The following ATXN7L1 variants were observed in gnomAD, a reference collection of about 807,000 sequenced individuals.
The protein encoded by ATXN7L1 is ataxin-7-like protein 1.
Under a neutral mutation model 70.8 loss-of-function variants are expected in ATXN7L1, and 15 were observed. The observed-to-expected ratio is 0.21, with a 90% CI of 0.14 to 0.33. The LOEUF (loss-of-function observed/expected upper bound fraction) is 0.33. Among genes scored for constraint, ATXN7L1 ranks in the 10% least tolerant of loss-of-function variants. The pLI is 1.00. For missense variants in ATXN7L1, 975 were observed against 1,097.1 expected (o/e 0.89, Z 1.57); for synonymous variants, 440 against 445.1 (o/e 0.99, Z 0.14).
At chr7:105,716,423 G>C (rs1354069061) in intron 3 of ATXN7L1, among the ~76,000 whole-genome samples, 1 of 151,958 alleles carries the variant, frequency 6.6e-6, no homozygotes, top group African/African-American at 2.4e-5. Context: ...TTATATGGGG[G>C]CCCAGTTGTT....
At chr7:105,668,968 G>A (rs1199427518) in intron 3 of ATXN7L1, among the ~76,000 whole-genome samples, 1 of 152,124 alleles carries the variant, frequency 6.6e-6, no homozygotes, top group African/African-American at 2.4e-5. Context: ...GGCTGGTCTT[G>A]AACTCCTGGG....
At chr7:105,779,811 TATTA>T (rs1337889843) in intron 3 of ATXN7L1, among the ~76,000 whole-genome samples, 4 of 152,256 alleles carry the variant, frequency 2.6e-5, no homozygotes, top group Non-Finnish European at 5.9e-5. Flanking sequence ...TGCCAAGTCT[TATTA>T]ATTAATGTTA....
At chr7:105,664,330 A>G (rs1195812219) in intron 4 of ATXN7L1, among the ~76,000 whole-genome samples, 6 of 151,678 alleles carry the variant, frequency 4.0e-5, no homozygotes, top group Non-Finnish European at 2.9e-5. Flanking sequence ...GAACTGAGAA[A>G]TATTTCCCTG....
chr7:105,796,935 G>A (rs1475482981), intron 2 of ATXN7L1, among the ~76,000 whole-genome samples: 3 of 152,190 alleles, frequency 2.0e-5, no homozygotes, highest in African/African-American at 7.2e-5. Flanking sequence ...CCAGCAGAAT[G>A]TTGAGCTCCC....
chr7:105,859,300 T>A lies in ATXN7L1; in HGVS notation c.250+16512A>T, dbSNP rs554147897. On this transcript the variant is annotated intron_variant, in intron 2 of 11. Transcript: ENST00000419735. The stretch of plus-strand genomic sequence containing the variant: ...GAGAATTTAAGTGAACAGCTCAAGG[T>A]AGCACAATCAAGATGTGGAAAAATG... Among the ~76,000 whole-genome samples the A allele has an allele frequency of 7.2e-5, 11 of 152,204 alleles. No homozygotes were observed. In the East Asian group the frequency reaches 2.1e-3, roughly 29 times the overall value.
chr7:105,655,295 A>G (rs1366321547), intron 4 of ATXN7L1, among the ~76,000 whole-genome samples: 1 of 152,126 alleles, frequency 6.6e-6, no homozygotes, highest in African/African-American at 2.4e-5. Flanking sequence ...ACATGCTTCA[A>G]TATTCTGGTC....
intron 2 of ATXN7L1, among the ~76,000 whole-genome samples, chr7:105,829,887 CA>C (rs1160382302): frequency 4.6e-5 from 7 of 152,228 alleles, no homozygotes; most frequent in African/African-American, 1.7e-4. Flanking sequence ...GTAGTTGTTG[CA>C]AACTGTGCAA....
At chr7:105,694,479 G>C (rs141699384) in intron 3 of ATXN7L1, among the ~76,000 whole-genome samples, 1 of 152,298 alleles carries the variant, frequency 6.6e-6, no homozygotes, top group African/African-American at 2.4e-5. Context: ...TGTGAGGTGG[G>C]AAGGGCGGCT....
chr7:105,607,717 A>G lies in ATXN7L1; in HGVS notation c.*135T>C. 1 of 653,838 alleles carries G rather than the reference A, an allele frequency of 1.5e-6. No homozygotes were observed. The highest frequency in any genetic ancestry group is 2.5e-6 in the Non-Finnish European group (1 of 394,278). 40.5% of individuals were successfully genotyped at this position (653,838 alleles called of 1,614,324 possible). A position where few individuals can be genotyped will look rare whatever the true frequency, so the allele number is the denominator to read the frequency against. ...ATTGGTCAATTAAAAAAAGAAGAAG[A>G]AAGGCCAGAGTCACAGGGAGTGCAC... On this transcript the variant is annotated 3_prime_UTR_variant, in exon 12 of 12. Coordinates refer to ENST00000419735, the MANE Select transcript of ATXN7L1 (RefSeq NM_020725.2).
chr7:105,628,980 T>A (rs1796178095), intron 7 of ATXN7L1, among the ~76,000 whole-genome samples: 1 of 151,972 alleles, frequency 6.6e-6, no homozygotes, highest in African/African-American at 2.4e-5. Context: ...TTTATTTTTA[T>A]TTTTTAGAGA....
At chr7:105,661,452 G>A (rs1801598827) in intron 4 of ATXN7L1, among the ~76,000 whole-genome samples, 1 of 152,160 alleles carries the variant, frequency 6.6e-6, no homozygotes, top group Non-Finnish European at 1.5e-5. Flanking sequence ...AGGCAGTGAG[G>A]AACTTTGTGA....
At chr7:105,736,774 G>A (rs772210395) in intron 3 of ATXN7L1, among the ~76,000 whole-genome samples, 3 of 152,214 alleles carry the variant, frequency 2.0e-5, no homozygotes, top group Non-Finnish European at 4.4e-5. Context: ...TGGGAGTGGG[G>A]GCTGGTGCTG....
At chr7:105,791,736 C>T (rs930762510) in intron 2 of ATXN7L1, among the ~76,000 whole-genome samples, 1 of 152,210 alleles carries the variant, frequency 6.6e-6, no homozygotes, top group Non-Finnish European at 1.5e-5. Context: ...TATCCAGGAA[C>T]AGGTAAAACC....
rs562333868 is a variant in ATXN7L1, at chr7:105,786,343, G to C, written c.355+2261C>G. On this transcript the variant is annotated intron_variant, in intron 3 of 11. Coordinates refer to ENST00000419735, the MANE Select transcript of ATXN7L1 (RefSeq NM_020725.2). Reference sequence around the variant, plus strand: ...AGAGCCCCAGGGTTGGGGGAGGCAGGTGTATCAGCTCTGCTAAACACCAGA... The same window carrying C: ...AGAGCCCCAGGGTTGGGGGAGGCAGCTGTATCAGCTCTGCTAAACACCAGA... Among the ~76,000 whole-genome samples the C allele has an allele frequency of 2.4e-4, 36 of 152,292 alleles. 2 individuals carry two copies. Among genetic ancestry groups the C allele is most frequent in the Admixed American group, 2.0e-3 (31 of 15,306 alleles).
chr7:105,874,774 G>A (rs1177289408), intron 2 of ATXN7L1, among the ~76,000 whole-genome samples: 1 of 152,116 alleles, frequency 6.6e-6, no homozygotes, highest in East Asian at 1.9e-4. Context: ...ATCTTTCCAC[G>A]CAGGCTTCAG....
At chr7:105,710,803 A>G (rs576631161) in intron 3 of ATXN7L1, among the ~76,000 whole-genome samples, 7 of 152,304 alleles carry the variant, frequency 4.6e-5, no homozygotes, top group African/African-American at 1.7e-4. Flanking sequence ...TCACTATCAC[A>G]AGAACAGTGT....
rs1809743529 is a variant in ATXN7L1 at position 105,819,477 on chromosome 7, A to AGGGGG, written c.251-30774_251-30770dup. ...AAAAAAAAAAAGAGTGTCCTTTCCC[A>AGGGGG]GGGGGCTGCTGAAGATGGCGGAGGG... On this transcript the variant is annotated intron_variant, in intron 2 of 11. Transcript: ENST00000419735. 5 of 749,410 alleles carry AGGGGG rather than the reference A, an allele frequency of 6.7e-6. No homozygotes were observed. In the Admixed American group the frequency reaches 7.5e-5, roughly 11 times the overall value. The allele number at this position is 749,410 out of a possible 1,614,324, so 46.4% of individuals were successfully genotyped here.
chr7:105,795,632 A>C (rs1805877611), intron 2 of ATXN7L1, among the ~76,000 whole-genome samples: 2 of 152,210 alleles, frequency 1.3e-5, no homozygotes. Context: ...TCCCTTTTGC[A>C]AGCAGGAATT....
chr7:105,649,390 G>A lies in ATXN7L1; in HGVS notation c.579-6269C>T, dbSNP rs1414538632. The A allele has an allele frequency of 7.1e-6, 7 of 987,420 alleles. No individual in the cohort carries two copies. In the African/African-American group the frequency reaches 8.7e-5, roughly 12 times the overall value. 61.2% of individuals were successfully genotyped at this position (987,420 alleles called of 1,614,324 possible). A position where few individuals can be genotyped will look rare whatever the true frequency, so the allele number is the denominator to read the frequency against. On this transcript the variant is annotated intron_variant, in intron 4 of 11. Transcript: ENST00000419735. ...CACCCTCCCTCATCCCCCTTGCTAC[G>A]TGGGGGCGATATCTACCTCTGTTTC... is the stretch of plus-strand genomic sequence containing the variant.
Sources: allele counts gnomAD v4.1 joint callset (sites outside exome capture counted in the v4.1 genomes callset), GRCh38; gene constraint gnomAD v4.1.1; transcripts MANE v1.5; gene names NCBI Gene and HGNC (gene_info 2026-07-23, HGNC 2026-07-21).